TNRC6B: variants seen among roughly 807,000 people sequenced by gnomAD.
The protein encoded by TNRC6B is trinucleotide repeat-containing gene 6B protein.
Under a neutral mutation model 203.6 loss-of-function variants are expected in TNRC6B, and 52 were observed. The ratio of observed to expected loss-of-function variants is 0.26; its 90% confidence interval spans 0.20 to 0.32. The LOEUF is 0.32. TNRC6B is among the 10% of genes least tolerant of loss of function. The pLI is 1.00. For missense variants in TNRC6B, 1,923 were observed against 2,286.2 expected (o/e 0.84, Z 3.24); for synonymous variants, 838 against 845.7 (o/e 0.99, Z 0.16).
chr22:40,257,445 G>A (rs537391083), intron 3 of TNRC6B, among the ~76,000 whole-genome samples: 3 of 152,324 alleles, frequency 2.0e-5, no homozygotes, highest in Admixed American at 6.5e-5. Context: ...GGACGGGCAC[G>A]GTAGCTCATG....
At chr22:40,300,350 C>T in intron 12 of TNRC6B, 105 bp from the exon 13 acceptor site, 2 of 1,139,634 alleles carry the variant, frequency 1.8e-6, no homozygotes, top group Non-Finnish European at 2.4e-6. Flanking sequence ...AGTTTGACAA[C>T]TCTTGCTTTA....
At chr22:40,219,227 A>G (rs984684221) in intron 1 of TNRC6B, among the ~76,000 whole-genome samples, 3 of 152,226 alleles carry the variant, frequency 2.0e-5, no homozygotes, top group African/African-American at 4.8e-5. Flanking sequence ...CCCAGGACCA[A>G]TAGCACTTAG....
intron 1 of TNRC6B, among the ~76,000 whole-genome samples, chr22:40,111,404 A>G (rs1484001349): frequency 6.6e-6 from 1 of 152,176 alleles, no homozygotes; most frequent in Non-Finnish European, 1.5e-5. Flanking sequence ...TTTAAAGGTA[A>G]TTCTAGTGGT....
intron 1 of TNRC6B, among the ~76,000 whole-genome samples, chr22:40,226,209 G>T (rs1319665261): frequency 3.9e-5 from 6 of 152,152 alleles, no homozygotes; most frequent in Non-Finnish European, 7.3e-5. Flanking sequence ...ACAAGAACAC[G>T]ACTTTCCATT....
rs959271254 is a variant in TNRC6B, at chr22:40,328,505, T to G, written c.*5264T>G. The G allele has an allele frequency of 3.2e-4, 49 of 152,314 alleles. No homozygotes were observed. The highest frequency in any genetic ancestry group is 1.2e-3 in the African/African-American group (49 of 41,566). The allele number at this position is 152,314 out of a possible 1,614,324, so 9.4% of individuals were successfully genotyped here. A position where few individuals can be genotyped will look rare whatever the true frequency, so the allele number is the denominator to read the frequency against. ...CTAGAAGCTCATAGGCTGTTAACTTTTTGCAACTATTCACTCATTTTTACC... is the reference window on the plus strand; with the variant it reads ...CTAGAAGCTCATAGGCTGTTAACTTGTTGCAACTATTCACTCATTTTTACC... On this transcript the variant is annotated 3_prime_UTR_variant, in exon 23 of 23. Coordinates refer to ENST00000454349, the MANE Select transcript of TNRC6B (RefSeq NM_001162501.2).
chr22:40,286,232 G>A (rs1295646726), intron 12 of TNRC6B, among the ~76,000 whole-genome samples: 1 of 152,212 alleles, frequency 6.6e-6, no homozygotes, highest in Admixed American at 6.5e-5. Context: ...AGCACTTTGG[G>A]AGGCCAAGGT....
chr22:40,061,179 G>A (rs2067847385), intron 1 of TNRC6B, among the ~76,000 whole-genome samples: 1 of 152,116 alleles, frequency 6.6e-6, no homozygotes, highest in African/African-American at 2.4e-5. Context: ...AATATTATTT[G>A]TGCATTTGAA....
chr22:40,261,310 G>A (rs1374977735), intron 3 of TNRC6B, among the ~76,000 whole-genome samples: 1 of 151,984 alleles, frequency 6.6e-6, no homozygotes, highest in Non-Finnish European at 1.5e-5. Context: ...TGGGTGCAGT[G>A]GCTCATGCCT....
intron 3 of TNRC6B, among the ~76,000 whole-genome samples, chr22:40,144,536 G>A (rs930214373): frequency 4.6e-5 from 7 of 152,014 alleles, no homozygotes; most frequent in Non-Finnish European, 7.4e-5. Context: ...TTAGCCGGGC[G>A]TGGTGGCGGG....
rs544070499 is a variant in TNRC6B, at chr22:40,247,543, A to G, written c.93+1441A>G. ...CTGCTATGTTAAATATATGAAATGT[A>G]ATTTTATCTTTTCTTCATGACTTAA... On this transcript the variant is annotated intron_variant, in intron 2 of 22. Transcript: ENST00000454349. Among the ~76,000 whole-genome samples, 8 of 152,334 alleles carry G rather than the reference A, an allele frequency of 5.3e-5. No individual in the cohort carries two copies. In the South Asian group the frequency reaches 1.7e-3, roughly 32 times the overall value.
chr22:40,073,061 T>G (rs2067966651), intron 1 of TNRC6B, among the ~76,000 whole-genome samples: 1 of 151,828 alleles, frequency 6.6e-6, no homozygotes, highest in South Asian at 2.1e-4. Context: ...CTCAAGTTGT[T>G]TGGTCAAGTC....
intron 1 of TNRC6B, among the ~76,000 whole-genome samples, chr22:40,099,815 A>G (rs1044836099): frequency 6.6e-6 from 1 of 152,046 alleles, no homozygotes; most frequent in African/African-American, 2.4e-5. Context: ...CAGTGGTGCA[A>G]TCTCAGCTCA....
intron 21 of TNRC6B, among the ~76,000 whole-genome samples, chr22:40,316,651 A>T (rs2071263535): frequency 1.3e-5 from 2 of 152,238 alleles, no homozygotes; most frequent in African/African-American, 2.4e-5. Flanking sequence ...AGGGAAATAG[A>T]TGTGGGAGGC....
At chr22:40,199,632 A>G (rs1471785011) in intron 1 of TNRC6B, among the ~76,000 whole-genome samples, 1 of 152,170 alleles carries the variant, frequency 6.6e-6, no homozygotes, top group Non-Finnish European at 1.5e-5. Context: ...TAAATGCAAT[A>G]TGTGATTCTG....
chr22:40,094,906 C>G (rs900325385), intron 1 of TNRC6B, among the ~76,000 whole-genome samples: 3 of 152,012 alleles, frequency 2.0e-5, no homozygotes, highest in African/African-American at 7.2e-5. Context: ...TCGTATGAGG[C>G]TGGATGTTGC....
At chr22:40,096,843 T>C (rs2068189580) in intron 1 of TNRC6B, among the ~76,000 whole-genome samples, 1 of 152,234 alleles carries the variant, frequency 6.6e-6, no homozygotes, top group African/African-American at 2.4e-5. Flanking sequence ...AGAAGAAATT[T>C]ATTAATTTAT....
chr22:40,250,304 C>T (rs1244065634), intron 2 of TNRC6B, among the ~76,000 whole-genome samples: 1 of 152,174 alleles, frequency 6.6e-6, no homozygotes, highest in Non-Finnish European at 1.5e-5. Context: ...AGATGCCCTC[C>T]TTTATTTTCC....
chr22:40,232,208 T>C (rs1430125608), intron 1 of TNRC6B, among the ~76,000 whole-genome samples: 1 of 152,178 alleles, frequency 6.6e-6, no homozygotes, highest in Non-Finnish European at 1.5e-5. Context: ...TCTTTAACAG[T>C]ATTAGCAGCG....
chr22:40,088,624 G>GTGTGTT (rs1329374401), intron 1 of TNRC6B, among the ~76,000 whole-genome samples: 1 of 150,458 alleles, frequency 6.6e-6, no homozygotes, highest in Non-Finnish European at 1.5e-5. Context: ...GTGTGTGTGT[G>GTGTGTT]TGTGTGTTTT....
Sources: gnomAD v4.1 joint callset for allele counts (sites outside exome capture counted in the v4.1 genomes callset) on GRCh38, gnomAD v4.1.1 for gene constraint, MANE v1.5 for transcripts, NCBI Gene and HGNC (gene_info 2026-07-23, HGNC 2026-07-21) for gene names.